Variants in THSD7B observed in about 807,000 individuals in gnomAD.
THSD7B encodes the protein thrombospondin type-1 domain-containing protein 7B.
Under a neutral mutation model 213.6 loss-of-function variants are expected in THSD7B, and 138 were observed. The ratio of observed to expected loss-of-function variants is 0.65; its 90% CI spans 0.56 to 0.74. The LOEUF (loss-of-function observed/expected upper bound fraction) is 0.74. Among genes scored for constraint, THSD7B ranks in the 30% least tolerant of loss-of-function variants. THSD7B has a pLI of 0.00. For synonymous variants in THSD7B, 742 were observed against 687.0 expected, an observed-to-expected ratio of 1.08 and a Z score of -1.25; for missense variants, 1,931 against 1,991.5, an observed-to-expected ratio of 0.97 and a Z score of 0.58.
At chr2:137,452,026 A>G in intron 15 of THSD7B, 1 of 945,278 alleles carries the variant, frequency 1.1e-6, no homozygotes, top group Non-Finnish European at 1.3e-6. Context: ...TTATAATAGC[A>G]TGTTTAGTAC....
At chr2:137,138,542 T>C (rs893402224) in intron 5 of THSD7B, among the ~76,000 whole-genome samples, 1 of 152,186 alleles carries the variant, frequency 6.6e-6, no homozygotes, top group African/African-American at 2.4e-5. Flanking sequence ...AGGTGGAGTA[T>C]TTAAATCATT....
chr2:136,927,708 A>G lies in THSD7B; in HGVS notation c.139+45391A>G, dbSNP rs1011539779. 2.6e-5 allele frequency among the ~76,000 whole-genome samples: 4 copies of G among 152,224 alleles called. 1 individual carries two copies. The South Asian group carries it at 8.3e-4, about 32-fold the overall frequency. On this transcript the variant is annotated intron_variant, in intron 2 of 27. Coordinates refer to ENST00000409968, the MANE Select transcript of THSD7B (RefSeq NM_001316349.2). Reference sequence around the variant, plus strand: ...GAAGTCTACTTTGGTTCAAACAAGTAGACTGTAGATAGTGAGGACTGACTG... The same window carrying G: ...GAAGTCTACTTTGGTTCAAACAAGTGGACTGTAGATAGTGAGGACTGACTG...
At chr2:136,868,531 A>G (rs1683381788) in intron 1 of THSD7B, among the ~76,000 whole-genome samples, 1 of 152,224 alleles carries the variant, frequency 6.6e-6, no homozygotes, top group Non-Finnish European at 1.5e-5. Flanking sequence ...ATTAATCAAG[A>G]GAATGCAAAG....
intron 7 of THSD7B, among the ~76,000 whole-genome samples, chr2:137,213,265 A>G (rs1392547755): frequency 2.5e-4 from 37 of 150,782 alleles, no homozygotes; most frequent in Non-Finnish European, 1.0e-4. Flanking sequence ...CACATATTCT[A>G]TATATCTGCT....
intron 21 of THSD7B, among the ~76,000 whole-genome samples, chr2:137,650,892 G>C (rs1035472275): frequency 1.3e-5 from 2 of 152,046 alleles, no homozygotes; most frequent in South Asian, 4.1e-4. Flanking sequence ...TCCTGCACAG[G>C]GTGTACCATC....
At chr2:137,032,835 A>G (rs1686700261) in intron 2 of THSD7B, among the ~76,000 whole-genome samples, 1 of 152,180 alleles carries the variant, frequency 6.6e-6, no homozygotes, top group Non-Finnish European at 1.5e-5. Context: ...TCATTGTTAA[A>G]ATTCTGGTTT....
intron 2 of THSD7B, among the ~76,000 whole-genome samples, chr2:136,997,615 T>C (rs1003116082): frequency 7.2e-5 from 11 of 152,304 alleles, no homozygotes; most frequent in African/African-American, 2.6e-4. Flanking sequence ...AGGCTTCTGA[T>C]AGCAGAAGCA....
intron 1 of THSD7B, among the ~76,000 whole-genome samples, chr2:136,859,910 A>G (rs1449652786): frequency 3.3e-5 from 5 of 152,094 alleles, no homozygotes; most frequent in Non-Finnish European, 5.9e-5. Flanking sequence ...TCAGTGGATG[A>G]TGAGAGAACA....
intron 12 of THSD7B, among the ~76,000 whole-genome samples, chr2:137,395,023 A>T (rs1314464905): frequency 2.1e-5 from 3 of 142,704 alleles, no homozygotes; most frequent in African/African-American, 7.8e-5. Flanking sequence ...GTATCCTGAG[A>T]CTTTGCTGAA....
intron 15 of THSD7B, among the ~76,000 whole-genome samples, chr2:137,521,525 T>C (rs191668236): frequency 3.3e-5 from 5 of 152,316 alleles, no homozygotes; most frequent in Admixed American, 2.0e-4. Context: ...GGACCCTTTC[T>C]CTTCTTGTTG....
At chr2:137,557,368 A>G (rs2105215660) in intron 15 of THSD7B, among the ~76,000 whole-genome samples, 1 of 152,370 alleles carries the variant, frequency 6.6e-6, no homozygotes, top group East Asian at 1.9e-4. Context: ...CAATCAAACT[A>G]GAACTCAGGA....
chr2:137,207,237 A>G (rs1208017678), intron 7 of THSD7B, among the ~76,000 whole-genome samples: 1 of 152,106 alleles, frequency 6.6e-6, no homozygotes, highest in Non-Finnish European at 1.5e-5. Context: ...TGGGCATTGT[A>G]TTACAAATGA....
At chr2:136,877,912 C>A (rs1479713525) in intron 1 of THSD7B, among the ~76,000 whole-genome samples, 1 of 148,362 alleles carries the variant, frequency 6.7e-6, no homozygotes, top group Non-Finnish European at 1.5e-5. Flanking sequence ...CTGCAATAGC[C>A]ATTTCTTTTC....
At chr2:137,476,512 G>T (rs915769722) in intron 15 of THSD7B, among the ~76,000 whole-genome samples, 7 of 152,060 alleles carry the variant, frequency 4.6e-5, no homozygotes, top group Non-Finnish European at 7.4e-5. Context: ...AGAGATAGGG[G>T]TCTAGATTAA....
chr2:137,607,237 A>G (rs984297698), intron 17 of THSD7B, among the ~76,000 whole-genome samples: 1 of 149,836 alleles, frequency 6.7e-6, no homozygotes, highest in African/African-American at 2.5e-5. Context: ...TGAAATTTGC[A>G]CCACCAATTA....
chr2:136,773,953 A>G (rs1681556570), intron 1 of THSD7B, among the ~76,000 whole-genome samples: 1 of 151,856 alleles, frequency 6.6e-6, no homozygotes, highest in Non-Finnish European at 1.5e-5. Context: ...AAAACCCATC[A>G]GATAGGAAGA....
intron 2 of THSD7B, among the ~76,000 whole-genome samples, chr2:136,974,981 C>T (rs559848007): frequency 1.0e-4 from 15 of 150,224 alleles, no homozygotes; most frequent in African/African-American, 3.4e-4. Flanking sequence ...TGTTTTTTGG[C>T]CACATAAATG....
At chr2:137,481,972 T>C (rs1688319175) in intron 15 of THSD7B, among the ~76,000 whole-genome samples, 1 of 152,130 alleles carries the variant, frequency 6.6e-6, no homozygotes, top group Non-Finnish European at 1.5e-5. Context: ...GGTCAGGAGA[T>C]TGAGACCATC....
chr2:136,992,470 G>A (rs886071781), intron 2 of THSD7B, among the ~76,000 whole-genome samples: 3 of 152,182 alleles, frequency 2.0e-5, no homozygotes, highest in Non-Finnish European at 4.4e-5. Context: ...AGTACAAGGA[G>A]TCTACTTGGA....
Sources: gnomAD v4.1 joint callset for allele counts (sites outside exome capture counted in the v4.1 genomes callset) on GRCh38, gnomAD v4.1.1 for gene constraint, MANE v1.5 for transcripts, NCBI Gene and HGNC (gene_info 2026-07-23, HGNC 2026-07-21) for gene names.